The following GALNT18 variants were observed in gnomAD, a reference collection of about 807,000 sequenced individuals.
The protein encoded by GALNT18 is polypeptide N-acetylgalactosaminyltransferase 18.
Under a neutral mutation model 69.5 loss-of-function variants are expected in GALNT18, and 44 were observed. The ratio of observed to expected loss-of-function variants is 0.63; its 90% CI spans 0.50 to 0.81. The LOEUF (loss-of-function observed/expected upper bound fraction) is 0.81, where lower values mean the gene tolerates loss of function less well. Ranked by LOEUF, GALNT18 falls within the 40% of genes least tolerant of loss-of-function variation. The pLI, the probability that GALNT18 is intolerant of heterozygous loss-of-function variation, is 0.00. For missense variants in GALNT18, 715 were observed against 810.0 expected (o/e 0.88, Z 1.42); for synonymous variants, 364 against 318.2 (o/e 1.14, Z -1.53).
intron 9 of GALNT18, among the ~76,000 whole-genome samples, chr11:11,323,957 T>G (rs746826267): frequency 6.6e-6 from 1 of 152,154 alleles, no homozygotes; most frequent in Non-Finnish European, 1.5e-5. Flanking sequence ...ATCTTTAAGT[T>G]AAGGTTAAGT....
chr11:11,297,996 G>C (rs1468399801), intron 9 of GALNT18, among the ~76,000 whole-genome samples: 2 of 152,242 alleles, frequency 1.3e-5, no homozygotes, highest in Admixed American at 6.5e-5. Flanking sequence ...AGCCATGACT[G>C]AGAGCTAACA....
intron 10 of GALNT18, among the ~76,000 whole-genome samples, chr11:11,283,828 T>C (rs539263218): frequency 4.4e-4 from 67 of 152,276 alleles, no homozygotes; most frequent in African/African-American, 1.5e-3. Flanking sequence ...GAGAACTTAA[T>C]TGGAATGAAA....
chr11:11,517,421 C>G (rs1857305382), intron 1 of GALNT18, among the ~76,000 whole-genome samples: 1 of 152,162 alleles, frequency 6.6e-6, no homozygotes, highest in Admixed American at 6.5e-5. Flanking sequence ...ATACTTTCTT[C>G]CTCCTGGGAA....
chr11:11,608,944 T>A (rs1041539630), intron 1 of GALNT18, among the ~76,000 whole-genome samples: 2 of 152,258 alleles, frequency 1.3e-5, no homozygotes, highest in African/African-American at 4.8e-5. Context: ...AAGTCTATTC[T>A]GACAATTCGC....
chr11:11,580,190 T>A (rs770931054), intron 1 of GALNT18, among the ~76,000 whole-genome samples: 56 of 152,218 alleles, frequency 3.7e-4, no homozygotes, highest in Non-Finnish European at 7.6e-4. Flanking sequence ...TCACATTCCA[T>A]GTTTGGGTCC....
At chr11:11,284,694 G>A (rs1564879427) in intron 10 of GALNT18, among the ~76,000 whole-genome samples, 1 of 152,028 alleles carries the variant, frequency 6.6e-6, no homozygotes, top group Non-Finnish European at 1.5e-5. Context: ...TTTTCCATGG[G>A]CAAGCAGCCC....
At chr11:11,352,206 A>G (rs1048781643) in intron 6 of GALNT18, 1 of 1,613,696 alleles carries the variant, frequency 6.2e-7, no homozygotes, top group African/African-American at 1.3e-5. Flanking sequence ...GTCATATCGC[A>G]GCAGTTTGTC....
At position 11,606,280 on chromosome 11, in the gene GALNT18, G is replaced by T. The variant is rs1859752736; in HGVS notation, c.235+15079C>A. ...ACAAACTGGAAAACAGGAAAAACCGGACCCAGTCTCCACCTTTAAGTAACC... is the reference window on the plus strand; with the variant it reads ...ACAAACTGGAAAACAGGAAAAACCGTACCCAGTCTCCACCTTTAAGTAACC... On this transcript the variant is annotated intron_variant, in intron 1 of 10. Coordinates refer to ENST00000227756, the MANE Select transcript of GALNT18 (RefSeq NM_198516.3). This position sits in a 1 kb window ranked among gnomAD's most constrained non-coding sequence, Gnocchi z 5.4. 2.0e-5 allele frequency among the ~76,000 whole-genome samples: 3 copies of T among 152,114 alleles called. No individual in the cohort carries two copies. The highest frequency in any genetic ancestry group is 4.4e-5 in the Non-Finnish European group (3 of 68,030).
chr11:11,289,223 G>A (rs1849253391), intron 10 of GALNT18, among the ~76,000 whole-genome samples: 1 of 151,658 alleles, frequency 6.6e-6, no homozygotes, highest in Non-Finnish European at 1.5e-5. Context: ...TCATTTTGCA[G>A]TAAGCAAAAC....
At chr11:11,597,826 A>G (rs113122962) in intron 1 of GALNT18, among the ~76,000 whole-genome samples, 1,883 of 151,982 alleles carry the variant, frequency 0.012, 47 homozygotes, top group African/African-American at 0.044. Context: ...ACGCCCGGCT[A>G]ATTTTTTGTA....
intron 1 of GALNT18, among the ~76,000 whole-genome samples, chr11:11,553,266 T>C (rs1456658626): frequency 1.3e-5 from 2 of 152,196 alleles, no homozygotes; most frequent in Non-Finnish European, 2.9e-5. Flanking sequence ...TATCTTCCCA[T>C]GCCACCAGGG....
rs1351243728 is a variant in GALNT18, at chr11:11,461,273, G to A, written c.236-12337C>T. 1.3e-5 allele frequency among the ~76,000 whole-genome samples: 2 copies of A among 152,170 alleles called. No homozygotes were observed. The highest frequency in any genetic ancestry group is 2.9e-5 in the Non-Finnish European group (2 of 68,028). ...GTGTGCGGCTAGGATGGCTGGTGCA[G>A]GTAGGAGCAGCAGGGCTCAGCATGT... is the stretch of plus-strand genomic sequence containing the variant. On this transcript the variant is annotated intron_variant, in intron 1 of 10. Transcript: ENST00000227756. The surrounding 1 kb of genome is among the most constrained non-coding windows in gnomAD (Gnocchi z 4.1).
intron 1 of GALNT18, among the ~76,000 whole-genome samples, chr11:11,477,265 G>A (rs1308468870): frequency 2.0e-5 from 3 of 152,194 alleles, no homozygotes; most frequent in Non-Finnish European, 4.4e-5. Context: ...CCAGGGCATG[G>A]GATCCCTCAA....
chr11:11,571,436 C>CT (rs934903348), intron 1 of GALNT18, among the ~76,000 whole-genome samples: 59 of 152,350 alleles, frequency 3.9e-4, no homozygotes, highest in African/African-American at 1.4e-3. Flanking sequence ...GCTCTGCTCT[C>CT]TGAGTCCGGG....
intron 3 of GALNT18, among the ~76,000 whole-genome samples, chr11:11,395,867 T>C (rs1184921527): frequency 6.6e-6 from 1 of 152,092 alleles, no homozygotes; most frequent in Non-Finnish European, 1.5e-5. Flanking sequence ...AGACCTTCTG[T>C]AGGCAAAGCA....
intron 6 of GALNT18, among the ~76,000 whole-genome samples, chr11:11,350,942 A>T (rs553839974): frequency 6.6e-6 from 1 of 152,298 alleles, no homozygotes; most frequent in South Asian, 2.1e-4. Context: ...AGCAGTTCTG[A>T]GAGCTGCTGT....
rs1341269607 is a variant in GALNT18 at position 11,388,541 on chromosome 11, T to C, written c.596-9277A>G. On this transcript the variant is annotated intron_variant, in intron 3 of 10. Coordinates refer to ENST00000227756, the MANE Select transcript of GALNT18 (RefSeq NM_198516.3). The stretch of plus-strand genomic sequence containing the variant: ...AACCTTGAGTTCTAATGTTTGCCAC[T>C]GCCTGTGGTATAGATGCTTCCACCA... 2.0e-5 allele frequency among the ~76,000 whole-genome samples: 3 copies of C among 152,240 alleles called. No homozygotes were observed. The East Asian group carries it at 5.8e-4, about 29-fold the overall frequency.
chr11:11,367,078 G>T (rs1051800502), intron 6 of GALNT18, among the ~76,000 whole-genome samples: 1 of 152,180 alleles, frequency 6.6e-6, no homozygotes, highest in African/African-American at 2.4e-5. Flanking sequence ...GAGCCAGTCA[G>T]CTTCACTTCC....
At chr11:11,527,048 C>T (rs764770938) in intron 1 of GALNT18, among the ~76,000 whole-genome samples, 1 of 152,092 alleles carries the variant, frequency 6.6e-6, no homozygotes, top group African/African-American at 2.4e-5. Flanking sequence ...TGCATTTCTC[C>T]AGGCCTTGAC....
Sources: gnomAD v4.1 joint callset for allele counts (sites outside exome capture counted in the v4.1 genomes callset) on GRCh38, gnomAD v4.1.1 for gene constraint, Gnocchi (gnomAD v3.1) non-coding constraint, MANE v1.5 for transcripts, NCBI Gene and HGNC (gene_info 2026-07-23, HGNC 2026-07-21) for gene names.